DNAH11: variants seen among roughly 807,000 people sequenced by gnomAD.
DNAH11 encodes the protein dynein axonemal heavy chain 11.
DNAH11 carries 442 observed loss-of-function variants against 526.0 expected under a neutral mutation model. That is an observed-to-expected ratio of 0.84 (90% CI 0.78 to 0.91). DNAH11 has a LOEUF of 0.91. Ranked by LOEUF, DNAH11 falls within the 40% of genes least tolerant of loss-of-function variation. DNAH11 has a pLI of 0.00. For synonymous variants in DNAH11, 2,461 were observed against 1,935.9 expected, an observed-to-expected ratio of 1.27 and a Z score of -7.12; for missense variants, 6,989 against 5,448.7, an observed-to-expected ratio of 1.28 and a Z score of -8.90.
In DNAH11 at chr7:21,714,343, T is replaced by G. The variant is rs74474018; in HGVS notation, c.6983+2483T>G. ...TTCATATGTGTGACCAAATAATTCA[T>G]CCAGGTCATTTTCCAAAATAATGGA... On this transcript the variant is annotated intron_variant, in intron 42 of 81. Coordinates refer to ENST00000409508, the MANE Select transcript of DNAH11 (RefSeq NM_001277115.2). Among the ~76,000 whole-genome samples, 635 of 152,324 alleles carry G rather than the reference T, an allele frequency of 4.2e-3. 18 individuals carry two copies. In the East Asian group the frequency reaches 0.081, roughly 19 times the overall value.
chr7:21,564,521 G>C, intron 6 of DNAH11, 124 bp downstream of exon 6: 1 of 674,782 alleles, frequency 1.5e-6, no homozygotes, highest in Non-Finnish European at 2.3e-6. Context: ...TTTCAGAAAG[G>C]ACATTTTTGG....
At chr7:21,894,556 A>G (rs1446494778) in intron 77 of DNAH11, 67 bp from the exon 78 acceptor site, 4 of 1,496,476 alleles carry the variant, frequency 2.7e-6, no homozygotes, top group Non-Finnish European at 3.7e-6. Flanking sequence ...AAAGTAGAGG[A>G]TATACACAGT....
chr7:21,900,054 A>G lies in DNAH11; in HGVS notation c.13237A>G (p.Lys4413Glu). ...GCGCTTGACTGCTGATGTTACCAAA[A>G]AAACAAAGGAAGATTATGGACACCC... ...KTRLTADVTKKTKEDYGHPPR... is the reference protein window; with the variant it reads ...KTRLTADVTKETKEDYGHPPR... Residue 4413 changes from lysine to glutamate, a missense_variant, in exon 81 of 82, where the codon AAA becomes GAA. Lys to Glu is a moderately conservative substitution (Grantham distance 56, BLOSUM62 1). Transcript: ENST00000409508. 1 of 1,614,008 alleles carries G rather than the reference A, an allele frequency of 6.2e-7. No homozygotes were observed. The highest frequency in any genetic ancestry group is 8.5e-7 in the Non-Finnish European group (1 of 1,179,886).
intron 44 of DNAH11, among the ~76,000 whole-genome samples, chr7:21,722,743 G>A (rs1207604141): frequency 6.6e-6 from 1 of 152,182 alleles, no homozygotes; most frequent in Non-Finnish European, 1.5e-5. Context: ...CAGAGGCACG[G>A]TTTACAACAT....
intron 68 of DNAH11, among the ~76,000 whole-genome samples, chr7:21,854,940 A>G (rs980417455): frequency 1.3e-5 from 2 of 152,072 alleles, no homozygotes; most frequent in African/African-American, 4.8e-5. Flanking sequence ...AGGAATTTTC[A>G]TTTATAATTT....
At chr7:21,758,827 A>T (rs1671010563) in intron 54 of DNAH11, among the ~76,000 whole-genome samples, 2 of 152,214 alleles carry the variant, frequency 1.3e-5, no homozygotes, top group Admixed American at 6.5e-5. Flanking sequence ...TTTTGCTAGC[A>T]TTCAGCTGTG....
intron 65 of DNAH11, among the ~76,000 whole-genome samples, chr7:21,826,998 A>C (rs993866355): frequency 6.6e-5 from 10 of 152,228 alleles, no homozygotes; most frequent in Non-Finnish European, 1.2e-4. Flanking sequence ...AATGTTGTGG[A>C]GTGTGAAGTA....
chr7:21,612,787 A>G (rs895128537), intron 20 of DNAH11, among the ~76,000 whole-genome samples: 3 of 152,200 alleles, frequency 2.0e-5, no homozygotes, highest in Admixed American at 1.3e-4. Flanking sequence ...AACATACTAA[A>G]CAAAACAATC....
intron 61 of DNAH11, among the ~76,000 whole-genome samples, chr7:21,790,885 T>G (rs1015765553): frequency 2.0e-5 from 3 of 152,212 alleles, no homozygotes; most frequent in African/African-American, 7.2e-5. Context: ...AATTTAAATT[T>G]TATCCGATTG....
At chr7:21,785,589 A>C (rs913991305) in intron 58 of DNAH11, among the ~76,000 whole-genome samples, 1 of 152,214 alleles carries the variant, frequency 6.6e-6, no homozygotes, top group Non-Finnish European at 1.5e-5. Flanking sequence ...TCTCTGAGTA[A>C]TGGAATATTT....
chr7:21,618,403 A>G (rs1185872364), intron 23 of DNAH11: 1 of 152,766 alleles, frequency 6.5e-6, no homozygotes, highest in Non-Finnish European at 1.5e-5. Context: ...AAAGCCGGAA[A>G]GAAAATGGCT....
At chr7:21,889,143 T>A (rs6461615) in intron 76 of DNAH11, among the ~76,000 whole-genome samples, 134,422 of 152,198 alleles carry the variant, frequency 0.88, 60,714 homozygotes, top group Non-Finnish European at 0.99. Flanking sequence ...TGGGCATTTT[T>A]AAAAATGGAC....
At chr7:21,843,361 A>T (rs1782289169) in intron 66 of DNAH11, among the ~76,000 whole-genome samples, 1 of 152,198 alleles carries the variant, frequency 6.6e-6, no homozygotes, top group African/African-American at 2.4e-5. Flanking sequence ...GTGATATAGT[A>T]GATATACTTC....
At chr7:21,757,950 C>G (rs918432183) in intron 54 of DNAH11, among the ~76,000 whole-genome samples, 1 of 152,202 alleles carries the variant, frequency 6.6e-6, no homozygotes, top group Admixed American at 6.5e-5. Flanking sequence ...ATTGTAAAGT[C>G]GAGTCTCTTC....
chr7:21,628,815 A>C (rs1161232812), intron 25 of DNAH11, among the ~76,000 whole-genome samples: 1 of 151,776 alleles, frequency 6.6e-6, no homozygotes, highest in Non-Finnish European at 1.5e-5. Flanking sequence ...TTCTTAGTCT[A>C]GCTAAAGGCT....
chr7:21,735,901 A>G, intron 46 of DNAH11, 57 bp downstream of exon 46: 1 of 1,496,228 alleles, frequency 6.7e-7, no homozygotes, highest in Non-Finnish European at 9.0e-7. Context: ...CAAGGCGGGC[A>G]CATGCAGCCC....
At chr7:21,704,369 C>G (rs1240684743) in intron 37 of DNAH11, 65 bp from the exon 38 acceptor site, 2 of 1,470,326 alleles carry the variant, frequency 1.4e-6, no homozygotes, top group East Asian at 2.5e-5. Flanking sequence ...TAACAAACAT[C>G]TTTAGTTTTT....
chr7:21,824,327 T>G (rs896512142), intron 65 of DNAH11, among the ~76,000 whole-genome samples: 2 of 152,220 alleles, frequency 1.3e-5, no homozygotes, highest in Non-Finnish European at 2.9e-5. Context: ...TTGACAATTC[T>G]GCCTCCACTT....
At chr7:21,785,029 G>A (rs1788112857) in intron 58 of DNAH11, among the ~76,000 whole-genome samples, 1 of 152,136 alleles carries the variant, frequency 6.6e-6, no homozygotes, top group African/African-American at 2.4e-5. Flanking sequence ...ACCTCCCTAA[G>A]CGTTCACATT....
Sources: allele counts gnomAD v4.1 joint callset (sites outside exome capture counted in the v4.1 genomes callset), GRCh38; gene constraint gnomAD v4.1.1; transcripts MANE v1.5; gene names NCBI Gene and HGNC (gene_info 2026-07-23, HGNC 2026-07-21).